Variants in CPT1C observed in about 807,000 individuals in gnomAD.
CPT1C encodes carnitine palmitoyltransferase 1C.
Under a neutral mutation model 97.3 loss-of-function variants are expected in CPT1C, and 61 were observed. The observed-to-expected ratio is 0.63, with a 90% CI of 0.51 to 0.78. The LOEUF is 0.78. Among genes scored for constraint, CPT1C ranks in the 30% least tolerant of loss-of-function variants. CPT1C has a pLI of 0.00. For synonymous variants in CPT1C, 469 were observed against 447.2 expected (o/e 1.05, Z -0.61); for missense variants, 975 against 1,065.5 (o/e 0.92, Z 1.18).
chr19:49,702,114 T>TTATTTATAAATTATAAATAAATA (rs1568521865), intron 7 of CPT1C, among the ~76,000 whole-genome samples: 6 of 12,144 alleles, frequency 4.9e-4, no homozygotes, highest in Non-Finnish European at 9.0e-4. Flanking sequence ...AAATATATAT[T>TTATTTATAAATTATAAATAAATA]TATTTATTTA....
At chr19:49,707,332 A>G (rs1374966809) in intron 12 of CPT1C, among the ~76,000 whole-genome samples, 186 bp from the exon 13 acceptor site, 1 of 152,112 alleles carries the variant, frequency 6.6e-6, no homozygotes, top group Non-Finnish European at 1.5e-5. Flanking sequence ...TCTAAATCCC[A>G]GACATGTCTT....
rs761735554 is a variant in CPT1C, at chr19:49,710,564, T to C, written c.1731+80T>C. ...CCAAGACCTGCCCCTCCACGGTTCC[T>C]TGTGGTCGCTGCCATTGTGGGTCGG... On this transcript the variant is annotated intron_variant, in intron 15 of 19. Coordinates refer to ENST00000598293, the MANE Select transcript of CPT1C (RefSeq NM_001199753.2). 21 of 1,580,498 alleles carry C rather than the reference T, an allele frequency of 1.3e-5. No individual in the cohort carries two copies. In the East Asian group the frequency reaches 4.0e-4, roughly 30 times the overall value.
At chr19:49,692,758 A>T (rs2082425905) in intron 3 of CPT1C, among the ~76,000 whole-genome samples, 1 of 152,020 alleles carries the variant, frequency 6.6e-6, no homozygotes, top group Non-Finnish European at 1.5e-5. Flanking sequence ...ACACAGTCTC[A>T]CTCTGTCGCC....
At position 49,712,865 on chromosome 19, in the gene CPT1C, C is replaced by G. The variant is rs552439061; in HGVS notation, c.2133+16C>G. The G allele has an allele frequency of 1.6e-5, 14 of 875,000 alleles. No individual in the cohort carries two copies. The African/African-American group carries it at 2.6e-4, about 17-fold the overall frequency. 54.2% of individuals were successfully genotyped at this position (875,000 alleles called of 1,614,324 possible). A position where few individuals can be genotyped will look rare whatever the true frequency, so the allele number is the denominator to read the frequency against. On this transcript the variant is annotated intron_variant, in intron 18 of 19. Transcript: ENST00000598293. ...ATTCGGGCCTGTGAGTGGAGCTGGGCGCGCTGGCCCCCAGAGGAAAGAGGG... is the reference window on the plus strand; with the variant it reads ...ATTCGGGCCTGTGAGTGGAGCTGGGGGCGCTGGCCCCCAGAGGAAAGAGGG...
intron 6 of CPT1C, 31 bp from the exon 7 acceptor site, chr19:49,701,466 G>C: frequency 6.3e-7 from 1 of 1,592,392 alleles, no homozygotes; most frequent in Non-Finnish European, 8.6e-7. Flanking sequence ...GGGCGGGCCG[G>C]GGGCGTGACC....
chr19:49,701,024 CCTCTCTCTGGGTCTCTGTCCCCCT>C (rs1216543653), intron 5 of CPT1C, among the ~76,000 whole-genome samples, 169 bp downstream of exon 5: 2 of 135,672 alleles, frequency 1.5e-5, no homozygotes, highest in African/African-American at 2.9e-5. Context: ...TCTCTGTCCC[CCTCTCTCTGGGTCTCTGTCCCCCT>C]CTCTCTCTGT....
chr19:49,692,215 G>A (rs1599977002), intron 2 of CPT1C, 24 bp from the exon 3 acceptor site: 1 of 1,609,768 alleles, frequency 6.2e-7, no homozygotes, highest in East Asian at 2.2e-5. Context: ...CTGGGGTCCT[G>A]AAGTATGACT....
chr19:49,708,621 C>T, intron 13 of CPT1C, 102 bp from the exon 14 acceptor site: 1 of 818,234 alleles, frequency 1.2e-6, no homozygotes, highest in Non-Finnish European at 2.1e-6. Context: ...TTCTCAGGGA[C>T]TGCCCCCTAC....
At position 49,706,808 on chromosome 19, in the gene CPT1C, T is replaced by A. The variant is rs915689103; in HGVS notation, c.1343+395T>A. Among the ~76,000 whole-genome samples the A allele has an allele frequency of 6.6e-6, 1 of 151,884 alleles. No homozygotes were observed. The highest frequency in any genetic ancestry group is 1.5e-5 in the Non-Finnish European group (1 of 67,996). ...CAGCCTCAGAACTTGAACCATTCAA[T>A]CCTCAGGCCTTAATGCAGGCACCCC... On this transcript the variant is annotated intron_variant, in intron 12 of 19. Coordinates refer to ENST00000598293, the MANE Select transcript of CPT1C (RefSeq NM_001199753.2). This position sits in a 1 kb window ranked among gnomAD's most constrained non-coding sequence, Gnocchi z 4.8.
Position 49,712,760 on chromosome 19 carries a change from TCCA to T in CPT1C, c.2048_2050del (p.Thr683del). The T allele has an allele frequency of 6.2e-7, 1 of 1,613,780 alleles. No individual in the cohort carries two copies. The highest frequency in any genetic ancestry group is 2.2e-5 in the East Asian group (1 of 44,876). ...GGTCCATTCGGAGCAGTGGCAGCTG[TCCA>T]CCAGCCAGATCCCTGTTCAGCAAAT... is the stretch of plus-strand genomic sequence containing the variant. On this transcript the variant is annotated inframe_deletion, in exon 18 of 20. Coordinates refer to ENST00000598293, the MANE Select transcript of CPT1C (RefSeq NM_001199753.2).
chr19:49,697,627 G>T, intron 4 of CPT1C, 162 bp downstream of exon 4: 1 of 777,790 alleles, frequency 1.3e-6, no homozygotes, highest in Non-Finnish European at 2.0e-6. Context: ...AGGTGAGGCC[G>T]GGCACAGTGG....
intron 7 of CPT1C, 127 bp downstream of exon 7, chr19:49,701,761 G>A: frequency 9.5e-7 from 1 of 1,051,628 alleles, no homozygotes; most frequent in Middle Eastern, 3.1e-4. Flanking sequence ...CAGCCCCCAA[G>A]GGTCAATACC....
In CPT1C at chr19:49,692,516, G is replaced by T; in HGVS notation, c.141+123G>T. The T allele has an allele frequency of 2.5e-6, 3 of 1,208,408 alleles. No homozygotes were observed. In the South Asian group the frequency reaches 4.5e-5, roughly 18 times the overall value. 74.9% of individuals were successfully genotyped at this position (1,208,408 alleles called of 1,614,324 possible). ...GGGAGACTATCACCCCTTTTTCTTA[G>T]AATTTTGATGTCTGCTCCCAGGACC... On this transcript the variant is annotated intron_variant, in intron 3 of 19. Coordinates refer to ENST00000598293, the MANE Select transcript of CPT1C (RefSeq NM_001199753.2).
chr19:49,696,875 G>A (rs548522416), intron 3 of CPT1C, among the ~76,000 whole-genome samples: 5 of 151,294 alleles, frequency 3.3e-5, no homozygotes, highest in Non-Finnish European at 7.4e-5. Flanking sequence ...CAAGTGATCC[G>A]CCTGCCTCAG....
chr19:49,710,875 T>C lies in CPT1C; in HGVS notation c.1866+18T>C, dbSNP rs2123491562. ...AGAAGACGGTGGGTGCAGCCCTCGC[T>C]TGAGGCTTCAGTTATTTCTGTGTAC... On this transcript the variant is annotated intron_variant, in intron 16 of 19. Coordinates refer to ENST00000598293, the MANE Select transcript of CPT1C (RefSeq NM_001199753.2). 3 of 1,596,376 alleles carry C rather than the reference T, an allele frequency of 1.9e-6. No homozygotes were observed. The highest frequency in any genetic ancestry group is 2.6e-6 in the Non-Finnish European group (3 of 1,168,066).
In CPT1C at chr19:49,704,697, AC is replaced by A. The variant is rs2083401283; in HGVS notation, c.694-9del. 1.0e-5 allele frequency: 16 copies of A among 1,607,694 alleles called. No individual in the cohort carries two copies. Among genetic ancestry groups the A allele is most frequent in the Non-Finnish European group, 1.4e-5 (16 of 1,177,264 alleles). On this transcript the variant is annotated splice_polypyrimidine_tract_variant and intron_variant, in intron 7 of 19. Transcript: ENST00000598293. The stretch of plus-strand genomic sequence containing the variant: ...CCAGCCCCTCACTGTGTGTCTCCCC[AC>A]CCCGCTCCCAGGTCAGTGACTGGTG...
At position 49,705,990 on chromosome 19, in the gene CPT1C, G is replaced by A. The variant is rs151010811; in HGVS notation, c.1046G>A (p.Arg349Gln). 51 of 1,613,834 alleles carry A rather than the reference G, an allele frequency of 3.2e-5. No homozygotes were observed. The East Asian group carries it at 7.4e-4, about 23-fold the overall frequency. ...TTCTTCCGCATGGGGACCCACTCCC[G>A]AAACAGCCTGCTTTCCCCGAGAGCC... is the stretch of plus-strand genomic sequence containing the variant. The part of the protein sequence containing the change: ...GRFFRMGTHS[R>Q]NSLLSPRALE... The change falls in exon 11 of 20, where the codon CGA becomes CAA. Residue 349 changes from arginine to glutamine, a missense_variant. By Grantham distance (43) the Arg-to-Gln change is conservative. Transcript: ENST00000598293.
intron 14 of CPT1C, 106 bp downstream of exon 14, chr19:49,708,945 AC>A (rs984188997): frequency 1.6e-5 from 11 of 702,194 alleles, no homozygotes; most frequent in Admixed American, 5.5e-5. Context: ...CCCCATTCCT[AC>A]CCCCAACCCG....
At chr19:49,711,757 C>G in intron 16 of CPT1C, 52 bp from the exon 17 acceptor site, 3 of 1,558,330 alleles carry the variant, frequency 1.9e-6, no homozygotes, top group Non-Finnish European at 2.6e-6. Context: ...AGGCCCAGCC[C>G]TAAGTCGACT....
Sources: allele counts gnomAD v4.1 joint callset (sites outside exome capture counted in the v4.1 genomes callset), GRCh38; gene constraint gnomAD v4.1.1; non-coding constraint Gnocchi (gnomAD v3.1); transcripts MANE v1.5; gene names NCBI Gene and HGNC (gene_info 2026-07-23, HGNC 2026-07-21).